Variants in FRMD6 observed in about 807,000 individuals in gnomAD.
The protein encoded by FRMD6 is FERM domain-containing protein 6.
FRMD6 carries 37 observed loss-of-function variants against 73.2 expected under a neutral mutation model. That is an observed-to-expected ratio of 0.51 (90% confidence interval 0.39 to 0.66). FRMD6 has a LOEUF of 0.66. FRMD6 is among the 30% of genes least tolerant of loss of function. The pLI, the probability that FRMD6 is intolerant of heterozygous loss-of-function variation, is 0.00. For missense variants in FRMD6, 714 were observed against 780.5 expected, an observed-to-expected ratio of 0.91 and a Z score of 1.02; for synonymous variants, 273 against 282.2, an observed-to-expected ratio of 0.97 and a Z score of 0.33.
intron 2 of FRMD6, among the ~76,000 whole-genome samples, chr14:51,627,560 AG>A (rs1375584722): frequency 6.6e-6 from 1 of 152,220 alleles, no homozygotes; most frequent in African/African-American, 2.4e-5. Context: ...GGGCAGAGAT[AG>A]GCTGCTGGGC....
chr14:51,504,026 T>C (rs1883789080), intron 1 of FRMD6, among the ~76,000 whole-genome samples: 1 of 152,198 alleles, frequency 6.6e-6, no homozygotes, highest in Non-Finnish European at 1.5e-5. Flanking sequence ...ATAGAGGTGT[T>C]TATAGTATCT....
chr14:51,637,126 G>A (rs1296924144), intron 2 of FRMD6, among the ~76,000 whole-genome samples: 1 of 152,154 alleles, frequency 6.6e-6, no homozygotes, highest in African/African-American at 2.4e-5. Flanking sequence ...GGAGGCTGAA[G>A]TGGGAGGATT....
chr14:51,544,870 G>A (rs193254351), intron 1 of FRMD6, among the ~76,000 whole-genome samples: 1 of 151,798 alleles, frequency 6.6e-6, no homozygotes, highest in African/African-American at 2.4e-5. Flanking sequence ...GGAATATTTG[G>A]CATTTATACA....
At chr14:51,465,408 G>T in the FRMD6 span, among the ~76,000 whole-genome samples, 1 of 152,086 alleles carries the variant, frequency 6.6e-6, no homozygotes, top group Non-Finnish European at 1.5e-5. Flanking sequence ...TCTCAAAAGA[G>T]CCCTTCTAAA....
chr14:51,507,083 G>GACACAC (rs200052672), intron 1 of FRMD6, among the ~76,000 whole-genome samples: 2,790 of 139,024 alleles, frequency 0.02, 46 homozygotes, highest in East Asian at 0.065. Flanking sequence ...TGGTTGTATA[G>GACACAC]ACACACACAC....
At chr14:51,472,443 A>G in the FRMD6 span, among the ~76,000 whole-genome samples, 1 of 152,116 alleles carries the variant, frequency 6.6e-6, no homozygotes, top group Non-Finnish European at 1.5e-5. Flanking sequence ...GGCTGGGACT[A>G]CAGGCACCTG....
At chr14:51,516,637 G>A (rs8019816) in intron 1 of FRMD6, among the ~76,000 whole-genome samples, 55,549 of 151,948 alleles carry the variant, frequency 0.37, 10,358 homozygotes, top group African/African-American at 0.42. Context: ...ATAAGTGCTT[G>A]TGCTTCCCTG....
At position 51,728,621 on chromosome 14, in the gene FRMD6, G is replaced by A. The variant is rs907864170; in HGVS notation, c.*592G>A. 1.9e-5 allele frequency: 3 copies of A among 153,954 alleles called. No individual in the cohort carries two copies. The highest frequency in any genetic ancestry group is 7.2e-5 in the African/African-American group (3 of 41,448). 9.5% of individuals were successfully genotyped at this position (153,954 alleles called of 1,614,324 possible). ...TGTGACAGAAGCACATAAGCAATAA[G>A]CAGAAAACCAGAAGTGCATGCTGTG... On this transcript the variant is annotated 3_prime_UTR_variant, in exon 14 of 14. Transcript: ENST00000344768.
chr14:51,406,560 G>A, the FRMD6 span, among the ~76,000 whole-genome samples: 3 of 152,090 alleles, frequency 2.0e-5, no homozygotes, highest in African/African-American at 4.8e-5. Context: ...TGTATTCCTA[G>A]GTATTTTAGT....
chr14:51,454,417 T>A, the FRMD6 span: 2 of 152,186 alleles, frequency 1.3e-5, no homozygotes, highest in Non-Finnish European at 2.9e-5. Flanking sequence ...CTATGATGGG[T>A]TTCAGGATGA....
At chr14:51,416,870 G>C in the FRMD6 span, among the ~76,000 whole-genome samples, 2 of 152,138 alleles carry the variant, frequency 1.3e-5, no homozygotes, top group Admixed American at 6.5e-5. Flanking sequence ...AGGATAGTTA[G>C]CTCTTCTTGT....
At chr14:51,473,608 A>C in the FRMD6 span, among the ~76,000 whole-genome samples, 2 of 152,098 alleles carry the variant, frequency 1.3e-5, no homozygotes, top group African/African-American at 4.8e-5. Context: ...TCTCACCAAA[A>C]ACCTCTCTTG....
At chr14:51,475,303 G>T in the FRMD6 span, among the ~76,000 whole-genome samples, 1 of 152,184 alleles carries the variant, frequency 6.6e-6, no homozygotes, top group Non-Finnish European at 1.5e-5. Context: ...CTCCTGATTA[G>T]ATTTAAGAAA....
upstream of FRMD6, chr14:51,651,470 C>G (rs1015265764): frequency 6.6e-6 from 1 of 152,224 alleles, no homozygotes; most frequent in East Asian, 1.9e-4. Flanking sequence ...GGGAGCGCCC[C>G]GAGGGAGTCC....
chr14:51,649,315 C>G (rs192038204), upstream of FRMD6, among the ~76,000 whole-genome samples: 271 of 152,222 alleles, frequency 1.8e-3, 3 homozygotes, highest in African/African-American at 5.9e-3. Context: ...AAAATATTCA[C>G]ATAGTGAATT....
intron 2 of FRMD6, among the ~76,000 whole-genome samples, chr14:51,610,711 G>T (rs966105204): frequency 6.6e-6 from 1 of 152,086 alleles, no homozygotes; most frequent in Non-Finnish European, 1.5e-5. Flanking sequence ...TGTAGAAAAG[G>T]GAAATAATAC....
At chr14:51,459,884 CTT>C in the FRMD6 span, among the ~76,000 whole-genome samples, 289 of 74,652 alleles carry the variant, frequency 3.9e-3, 10 homozygotes, top group Middle Eastern at 0.025. Flanking sequence ...TACTGACTCT[CTT>C]TTTTTTTTTT....
intron 2 of FRMD6, among the ~76,000 whole-genome samples, chr14:51,614,629 C>G (rs556708899): frequency 6.6e-6 from 1 of 152,316 alleles, no homozygotes; most frequent in East Asian, 1.9e-4. Context: ...TCCTGAGGCA[C>G]TACCATCTTC....
intron 1 of FRMD6, among the ~76,000 whole-genome samples, chr14:51,680,811 A>G (rs1197122811): frequency 6.6e-6 from 1 of 152,008 alleles, no homozygotes; most frequent in Non-Finnish European, 1.5e-5. Flanking sequence ...TCTTTTCCCT[A>G]TTTAGATTTT....
Sources: allele counts gnomAD v4.1 joint callset (sites outside exome capture counted in the v4.1 genomes callset), GRCh38; gene constraint gnomAD v4.1.1; transcripts MANE v1.5; gene names NCBI Gene and HGNC (gene_info 2026-07-23, HGNC 2026-07-21).